MED12L: variants seen among roughly 807,000 people sequenced by gnomAD.
The protein encoded by MED12L is mediator of RNA polymerase II transcription subunit 12-like protein.
A neutral mutation model predicts 281.3 loss-of-function variants in MED12L; 60 were observed. That is an observed-to-expected ratio of 0.21 (90% CI 0.17 to 0.26). The LOEUF is 0.26. Among genes scored for constraint, MED12L ranks in the 10% least tolerant of loss-of-function variants. The pLI is 1.00. For missense variants in MED12L, 2,146 were observed against 2,680.9 expected (o/e 0.80, Z 4.41); for synonymous variants, 974 against 987.2 (o/e 0.99, Z 0.25).
chr3:151,195,354 CT>C (rs529436169), intron 16 of MED12L, among the ~76,000 whole-genome samples: 1 of 151,954 alleles, frequency 6.6e-6, no homozygotes, highest in South Asian at 2.1e-4. Context: ...TTAAAAGTCT[CT>C]TTTTTTGTAA....
chr3:151,377,988 T>G, intron 30 of MED12L, 24 bp from the exon 31 acceptor site: 1 of 1,575,692 alleles, frequency 6.3e-7, no homozygotes, highest in Non-Finnish European at 8.6e-7. Context: ...CTTTCTCCGG[T>G]GTAACACCTG....
chr3:151,291,105 A>T (rs910988789), intron 16 of MED12L, among the ~76,000 whole-genome samples: 6 of 147,976 alleles, frequency 4.1e-5, no homozygotes, highest in African/African-American at 1.2e-4. Context: ...TACAGTCTTT[A>T]TAAGATTTAA....
At chr3:151,298,025 C>T (rs1042662337) in intron 16 of MED12L, among the ~76,000 whole-genome samples, 9 of 152,086 alleles carry the variant, frequency 5.9e-5, no homozygotes, top group Non-Finnish European at 1.0e-4. Flanking sequence ...TTGTAAGAAG[C>T]AGATGAGCCA....
At chr3:151,105,953 G>GT (rs1237030078) in intron 2 of MED12L, among the ~76,000 whole-genome samples, 1 of 152,170 alleles carries the variant, frequency 6.6e-6, no homozygotes, top group Non-Finnish European at 1.5e-5. Flanking sequence ...CAACCTTGCT[G>GT]TTTGTCATTC....
At chr3:151,103,900 C>G (rs1721687937) in intron 2 of MED12L, among the ~76,000 whole-genome samples, 1 of 152,204 alleles carries the variant, frequency 6.6e-6, no homozygotes, top group Non-Finnish European at 1.5e-5. Context: ...CTCTCAGCCT[C>G]AGTTTCTCAC....
chr3:151,338,288 C>T (rs1261698342), intron 16 of MED12L: 5 of 1,614,038 alleles, frequency 3.1e-6, no homozygotes, highest in Admixed American at 1.7e-5. Context: ...CTATTTCATG[C>T]CAGACTAGAC....
intron 16 of MED12L, among the ~76,000 whole-genome samples, chr3:151,251,156 C>T (rs1005601619): frequency 6.6e-6 from 1 of 152,168 alleles, no homozygotes; most frequent in South Asian, 2.1e-4. Flanking sequence ...TCTGCCCTTG[C>T]CCTGCCCTGT....
intron 11 of MED12L, among the ~76,000 whole-genome samples, chr3:151,175,889 GC>G (rs1402886266): frequency 6.6e-6 from 1 of 152,072 alleles, no homozygotes; most frequent in Admixed American, 6.5e-5. Flanking sequence ...TTACTATTTT[GC>G]CACTGTAGAT....
In MED12L at chr3:151,158,646, T is replaced by C. The variant is rs1488183737; in HGVS notation, c.727-43T>C. Reference sequence around the variant, plus strand: ...GAATGACAGTGCCTTTTTTGTTTTTTTTCTTTAACATTATTAATGTAATTT... The same window carrying C: ...GAATGACAGTGCCTTTTTTGTTTTTCTTCTTTAACATTATTAATGTAATTT... On this transcript the variant is annotated intron_variant, in intron 6 of 44. Coordinates refer to ENST00000687756, the MANE Select transcript of MED12L (RefSeq NM_001393769.1). 3.6e-6 allele frequency: 5 copies of C among 1,384,452 alleles called. No individual in the cohort carries two copies. The African/African-American group carries it at 5.8e-5, about 16-fold the overall frequency. The allele number at this position is 1,384,452 out of a possible 1,614,324, so 85.8% of individuals were successfully genotyped here.
intron 16 of MED12L, among the ~76,000 whole-genome samples, chr3:151,208,100 T>C (rs940733799): frequency 3.3e-5 from 5 of 152,234 alleles, no homozygotes; most frequent in African/African-American, 1.2e-4. Context: ...CTGGTTTTCT[T>C]ATTTAAAATA....
At chr3:151,326,258 A>G (rs1035127357) in intron 16 of MED12L, 4 of 152,628 alleles carry the variant, frequency 2.6e-5, no homozygotes, top group Non-Finnish European at 4.4e-5. Flanking sequence ...AAAAACATCA[A>G]TGAGAATTGG....
At chr3:151,408,948 C>A (rs1374203685) in intron 39 of MED12L, among the ~76,000 whole-genome samples, 1 of 152,194 alleles carries the variant, frequency 6.6e-6, no homozygotes, top group Non-Finnish European at 1.5e-5. Context: ...TATACCCTGG[C>A]ATGTATTGGA....
intron 16 of MED12L, among the ~76,000 whole-genome samples, chr3:151,307,539 G>C (rs1746850027): frequency 2.9e-4 from 1 of 3,508 alleles, no homozygotes; most frequent in Admixed American, 4.3e-3. Flanking sequence ...TGCTCTGTGT[G>C]TGTGTGTGTG....
chr3:151,413,482 T>A (rs1717186571), intron 42 of MED12L, among the ~76,000 whole-genome samples, 187 bp downstream of exon 42: 1 of 152,248 alleles, frequency 6.6e-6, no homozygotes, highest in Non-Finnish European at 1.5e-5. Flanking sequence ...TTTCTCTGTG[T>A]ATCTACCAGG....
At chr3:151,223,601 C>T (rs1729859080) in intron 16 of MED12L, among the ~76,000 whole-genome samples, 1 of 152,124 alleles carries the variant, frequency 6.6e-6, no homozygotes, top group South Asian at 2.1e-4. Context: ...AAACCAAATA[C>T]CACATATTTT....
At chr3:151,368,677 GTCATTTCATTTTATTTCATTTCATT>G (rs1216271556) in intron 25 of MED12L, among the ~76,000 whole-genome samples, 2,137 of 95,376 alleles carry the variant, frequency 0.022, 127 homozygotes, top group African/African-American at 0.075. Context: ...TTCATTTCAT[GTCATTTCATTTTATTTCATTTCATT>G]TCATTTCATT....
intron 43 of MED12L, among the ~76,000 whole-genome samples, chr3:151,422,651 A>C (rs935388936): frequency 6.6e-6 from 1 of 152,110 alleles, no homozygotes; most frequent in Non-Finnish European, 1.5e-5. Flanking sequence ...CTGTTTCTAA[A>C]TAAGGTCACA....
intron 5 of MED12L, among the ~76,000 whole-genome samples, chr3:151,136,073 T>G (rs949584253): frequency 6.6e-6 from 1 of 152,164 alleles, no homozygotes; most frequent in Non-Finnish European, 1.5e-5. Context: ...TGAGGTTTTG[T>G]GGGGATTTGA....
intron 16 of MED12L, chr3:151,328,358 T>G (rs773010566): frequency 2.7e-5 from 43 of 1,613,000 alleles, no homozygotes; most frequent in Non-Finnish European, 3.2e-5. Context: ...ATATACTTTT[T>G]TTGCAATAAC....
Sources: allele counts gnomAD v4.1 joint callset (sites outside exome capture counted in the v4.1 genomes callset), GRCh38; gene constraint gnomAD v4.1.1; transcripts MANE v1.5; gene names NCBI Gene and HGNC (gene_info 2026-07-23, HGNC 2026-07-21).